The following IFT80 variants were observed in gnomAD, a reference collection of about 807,000 sequenced individuals.
IFT80 encodes the protein intraflagellar transport 80.
In IFT80, 79 loss-of-function variants were observed where a neutral mutation model predicts 107.9. The observed-to-expected ratio is 0.73, with a 90% CI of 0.61 to 0.88. The LOEUF is 0.88. Ranked by LOEUF, IFT80 falls within the 40% of genes least tolerant of loss-of-function variation. The pLI is 0.00. For synonymous variants in IFT80, 299 were observed against 300.9 expected, an observed-to-expected ratio of 0.99 and a Z score of 0.07; for missense variants, 797 against 914.2, an observed-to-expected ratio of 0.87 and a Z score of 1.65.
chr3:160,282,889 C>T (rs998234445), intron 13 of IFT80, among the ~76,000 whole-genome samples: 12 of 152,096 alleles, frequency 7.9e-5, no homozygotes, highest in East Asian at 3.9e-4. Context: ...GAGAAACACT[C>T]GATCTGTCCT....
intron 19 of IFT80, 35 bp from the exon 20 acceptor site, chr3:160,258,670 G>GA (rs1712549641): frequency 6.2e-7 from 1 of 1,603,134 alleles, no homozygotes; most frequent in Non-Finnish European, 8.5e-7. Flanking sequence ...AATATGCTTA[G>GA]ATAGTGTAAG....
rs531635040 is a variant in IFT80, at chr3:160,373,578, A to G, written c.439+2234T>C. 3.1e-4 allele frequency: 48 copies of G among 156,178 alleles called. No homozygotes were observed. The South Asian group carries it at 8.8e-3, about 29-fold the overall frequency. The allele number at this position is 156,178 out of a possible 1,614,324, so 9.7% of individuals were successfully genotyped here. ...TATTTTGCACTTTATTTCTATTATT[A>G]CATTGTAATATATAATGAAATAATT... On this transcript the variant is annotated intron_variant, in intron 5 of 19. Coordinates refer to ENST00000326448, the MANE Select transcript of IFT80 (RefSeq NM_020800.3).
intron 1 of IFT80, among the ~76,000 whole-genome samples, chr3:160,389,138 G>A (rs1205846843): frequency 1.3e-5 from 2 of 152,146 alleles, no homozygotes; most frequent in African/African-American, 4.8e-5. Context: ...AAGAATTAAA[G>A]CTGAGATAAG....
chr3:160,274,425 C>G (rs1714073815), intron 18 of IFT80: 1 of 152,042 alleles, frequency 6.6e-6, no homozygotes, highest in African/African-American at 2.4e-5. Flanking sequence ...TACCTACTCA[C>G]TCACTGCATG....
chr3:160,272,265 G>A (rs2108216656), intron 18 of IFT80, among the ~76,000 whole-genome samples: 1 of 152,164 alleles, frequency 6.6e-6, no homozygotes, highest in East Asian at 1.9e-4. Flanking sequence ...GTGAAACAGA[G>A]AAATAAGAAC....
intron 13 of IFT80, among the ~76,000 whole-genome samples, chr3:160,284,043 T>TATAAA (rs1054837224): frequency 6.6e-6 from 1 of 152,186 alleles, no homozygotes; most frequent in African/African-American, 2.4e-5. Context: ...TTCTTCCACA[T>TATAAA]ATAAAATAAA....
In IFT80 at chr3:160,257,952, T is replaced by C. The variant is rs954106825; in HGVS notation, c.*573A>G. ...AATTTCATTCCTTTTTAAAGCTAAA[T>C]AATATTCCATTGTATGTATTATAGC... On this transcript the variant is annotated 3_prime_UTR_variant, in exon 20 of 20. Coordinates refer to ENST00000326448, the MANE Select transcript of IFT80 (RefSeq NM_020800.3). 2 of 154,146 alleles carry C rather than the reference T, an allele frequency of 1.3e-5. No homozygotes were observed. The highest frequency in any genetic ancestry group is 4.8e-5 in the African/African-American group (2 of 41,482). The allele number at this position is 154,146 out of a possible 1,614,324, so 9.5% of individuals were successfully genotyped here.
intron 19 of IFT80, among the ~76,000 whole-genome samples, chr3:160,262,849 T>C (rs1243552464): frequency 6.6e-6 from 1 of 152,160 alleles, no homozygotes. Context: ...ACTGTTAATA[T>C]TCACCAGGGT....
At chr3:160,383,947 A>C (rs1712719262) in intron 2 of IFT80, 1 of 985,380 alleles carries the variant, frequency 1.0e-6, no homozygotes, top group East Asian at 1.1e-4. Flanking sequence ...GTTTGGTTTA[A>C]AAAATGCTTC....
intron 9 of IFT80, 86 bp downstream of exon 9, chr3:160,319,668 CTAAATA>C: frequency 9.1e-7 from 1 of 1,100,796 alleles, no homozygotes; most frequent in South Asian, 1.3e-5. Context: ...ATAAGCTTGA[CTAAATA>C]TAATTAATGA....
intron 8 of IFT80, among the ~76,000 whole-genome samples, chr3:160,354,165 G>A (rs1179474551): frequency 1.3e-5 from 2 of 152,160 alleles, no homozygotes; most frequent in African/African-American, 4.8e-5. Flanking sequence ...TATAGATTTA[G>A]AATCATTGAT....
In IFT80 at chr3:160,258,558, G is replaced by A; in HGVS notation, c.2301C>T (p.Ser767=). Residue 767 remains serine, a synonymous_variant, in exon 20 of 20, where the codon AGC becomes AGT. Coordinates refer to ENST00000326448, the MANE Select transcript of IFT80 (RefSeq NM_020800.3). The part of the protein sequence containing the change: ...ITKEREQSSS[S]QSSKSIGLKP ...TTAAACCTATACTCTTGCTGGATTG[G>A]CTGCTTGATGATTGCTCTCTTTCTT... 3 of 1,613,664 alleles carry A rather than the reference G, an allele frequency of 1.9e-6. No homozygotes were observed. Among genetic ancestry groups the A allele is most frequent in the South Asian group, 1.1e-5 (1 of 91,074 alleles).
intron 12 of IFT80, chr3:160,299,251 C>T: frequency 8.7e-7 from 1 of 1,152,810 alleles, no homozygotes; most frequent in South Asian, 1.9e-5. Context: ...AAAAAATTAC[C>T]AAAAGTCTTC....
At chr3:160,274,096 G>A (rs1714045499) in intron 18 of IFT80, among the ~76,000 whole-genome samples, 1 of 152,120 alleles carries the variant, frequency 6.6e-6, no homozygotes, top group Non-Finnish European at 1.5e-5. Flanking sequence ...AGGATAGCAG[G>A]GAAAGTTTGA....
At chr3:160,264,078 A>T (rs560834105) in intron 19 of IFT80, among the ~76,000 whole-genome samples, 2 of 151,962 alleles carry the variant, frequency 1.3e-5, no homozygotes, top group Non-Finnish European at 1.5e-5. Flanking sequence ...TTGGGATTAC[A>T]GGCTTGAGCC....
chr3:160,319,504 A>C (rs888003873), intron 9 of IFT80, among the ~76,000 whole-genome samples: 2 of 151,992 alleles, frequency 1.3e-5, no homozygotes, highest in African/African-American at 2.4e-5. Flanking sequence ...CTGAATCCAC[A>C]TATTTCCTCC....
chr3:160,277,762 T>C lies in IFT80; in HGVS notation c.1837-92A>G. On this transcript the variant is annotated intron_variant, in intron 16 of 19. Transcript: ENST00000326448. ...TTAAATACTCATACTAAAATGATAT[T>C]TTAATTTAAAAAATAAAAATTACTG... 6.1e-6 allele frequency: 5 copies of C among 820,788 alleles called. No individual in the cohort carries two copies. The South Asian group carries it at 7.9e-5, about 13-fold the overall frequency. 50.8% of individuals were successfully genotyped at this position (820,788 alleles called of 1,614,324 possible). A position where few individuals can be genotyped will look rare whatever the true frequency, so the allele number is the denominator to read the frequency against.
intron 6 of IFT80, among the ~76,000 whole-genome samples, chr3:160,361,662 T>C (rs1356399427): frequency 6.6e-6 from 1 of 152,018 alleles, no homozygotes; most frequent in Non-Finnish European, 1.5e-5. Context: ...AGAACAGAAA[T>C]CACAACAAAC....
rs780934693 is a variant in IFT80 at position 160,285,868 on chromosome 3, A to C, written c.1316T>G (p.Ile439Arg). Residue 439 changes from isoleucine (I) to arginine (R), a missense_variant and splice_region_variant, in exon 13 of 20, where the codon ATA (isoleucine) becomes AGA (arginine). Transcript: ENST00000326448. ...GGTTGATGCCTCAAAGAGGAAGATT[A>C]CTTGAAAAAAAGTAGAACATTAATT... ...IAIRDKADEK[I>R]IFLFEASTGK... is the part of the protein sequence containing the mutation. 19 of 1,608,706 alleles carry C rather than the reference A, an allele frequency of 1.2e-5. No homozygotes were observed. Among genetic ancestry groups the C allele is most frequent in the Non-Finnish European group, 1.5e-5 (18 of 1,176,140 alleles).
Sources: allele counts gnomAD v4.1 joint callset (sites outside exome capture counted in the v4.1 genomes callset), GRCh38; gene constraint gnomAD v4.1.1; transcripts MANE v1.5; gene names NCBI Gene and HGNC (gene_info 2026-07-23, HGNC 2026-07-21).